The following AFAP1 variants were observed in gnomAD, a reference collection of about 807,000 sequenced individuals.
AFAP1 encodes the protein actin filament associated protein 1, also known as actin filament-associated protein 1.
Under a neutral mutation model 93.9 loss-of-function variants are expected in AFAP1, and 75 were observed. The observed-to-expected ratio is 0.80, with a 90% CI of 0.66 to 0.97. The LOEUF is 0.97. AFAP1 is among the 50% of genes least tolerant of loss of function. AFAP1 has a pLI of 0.00. For synonymous variants in AFAP1, 517 were observed against 430.7 expected (o/e 1.20, Z -2.48); for missense variants, 1,201 against 1,050.8 (o/e 1.14, Z -1.98).
chr4:7,849,520 G>A (rs1714191644), intron 4 of AFAP1, among the ~76,000 whole-genome samples: 1 of 152,178 alleles, frequency 6.6e-6, no homozygotes, highest in African/African-American at 2.4e-5. Flanking sequence ...CTCGGGTGAG[G>A]GGGAAAGAGA....
At chr4:7,932,029 T>A (rs1012987973) in intron 1 of AFAP1, among the ~76,000 whole-genome samples, 8 of 152,098 alleles carry the variant, frequency 5.3e-5, no homozygotes, top group African/African-American at 1.7e-4. Flanking sequence ...CCCGGCTAAT[T>A]TTTTGTATTT....
intron 5 of AFAP1, among the ~76,000 whole-genome samples, chr4:7,841,952 C>A (rs1480237339): frequency 6.6e-6 from 1 of 152,146 alleles, no homozygotes; most frequent in Non-Finnish European, 1.5e-5. Flanking sequence ...AACTGCTAAT[C>A]CCTACACACA....
At chr4:7,847,794 G>GGGGC (rs1553845906) in intron 4 of AFAP1, among the ~76,000 whole-genome samples, 1 of 94,842 alleles carries the variant, frequency 1.1e-5, no homozygotes, top group African/African-American at 5.3e-5. Flanking sequence ...AGGGGTACTC[G>GGGGC]GGGTGGGGCA....
chr4:7,854,511 A>G (rs1714821101), intron 4 of AFAP1, among the ~76,000 whole-genome samples: 1 of 152,208 alleles, frequency 6.6e-6, no homozygotes, highest in Non-Finnish European at 1.5e-5. Context: ...GCTTTGGTGG[A>G]ATAGCCGCGC....
At chr4:7,850,693 C>T (rs1304828374) in intron 4 of AFAP1, among the ~76,000 whole-genome samples, 1 of 152,216 alleles carries the variant, frequency 6.6e-6, no homozygotes, top group Non-Finnish European at 1.5e-5. Context: ...TGTTGCGCAC[C>T]CTGCTGGTGT....
intron 1 of AFAP1, among the ~76,000 whole-genome samples, chr4:7,892,213 C>T (rs1056625891): frequency 1.3e-5 from 2 of 152,196 alleles, no homozygotes; most frequent in African/African-American, 2.4e-5. Context: ...ACAAAAGAGG[C>T]TCCGGCACCA....
chr4:7,783,375 A>C (rs965618966), intron 12 of AFAP1, among the ~76,000 whole-genome samples: 1 of 152,146 alleles, frequency 6.6e-6, no homozygotes, highest in African/African-American at 2.4e-5. Flanking sequence ...CCTGGCCTTA[A>C]GTGATCTGCC....
At chr4:7,796,785 C>A (rs1718468886) in intron 10 of AFAP1, among the ~76,000 whole-genome samples, 1 of 146,674 alleles carries the variant, frequency 6.8e-6, no homozygotes, top group Non-Finnish European at 1.5e-5. Flanking sequence ...ATGGGTTGGG[C>A]ACGGTGGCTC....
chr4:7,848,942 C>A (rs978304426), intron 4 of AFAP1, among the ~76,000 whole-genome samples: 1 of 152,236 alleles, frequency 6.6e-6, no homozygotes, highest in Non-Finnish European at 1.5e-5. Context: ...CAATACCACA[C>A]ACACTGCACA....
chr4:7,911,196 C>G (rs1361163939), intron 1 of AFAP1, among the ~76,000 whole-genome samples: 1 of 152,182 alleles, frequency 6.6e-6, no homozygotes, highest in Non-Finnish European at 1.5e-5. Context: ...GGCTGACTAG[C>G]GAGCCAGGAC....
intron 1 of AFAP1, among the ~76,000 whole-genome samples, chr4:7,877,635 A>G (rs574160094): frequency 6.6e-6 from 1 of 152,224 alleles, no homozygotes; most frequent in Non-Finnish European, 1.5e-5. Context: ...TAGAACATAA[A>G]TAACACAGTA....
intron 1 of AFAP1, among the ~76,000 whole-genome samples, chr4:7,893,028 T>C (rs780515054): frequency 9.2e-5 from 14 of 152,054 alleles, no homozygotes; most frequent in Non-Finnish European, 1.5e-4. Context: ...TCTCATAACA[T>C]ATATGAGAAA....
chr4:7,846,825 T>C (rs1713760636), intron 4 of AFAP1, among the ~76,000 whole-genome samples: 1 of 152,210 alleles, frequency 6.6e-6, no homozygotes, highest in Admixed American at 6.5e-5. Flanking sequence ...AAGACATTAG[T>C]CTTATTCAGA....
At chr4:7,788,086 G>A (rs1283035514) in intron 11 of AFAP1, among the ~76,000 whole-genome samples, 1 of 152,222 alleles carries the variant, frequency 6.6e-6, no homozygotes, top group Non-Finnish European at 1.5e-5. Context: ...GGAGCGCAGG[G>A]ACCATGCGGG....
intron 10 of AFAP1, 107 bp from the exon 11 acceptor site, chr4:7,793,933 T>C (rs1322932108): frequency 3.2e-6 from 4 of 1,263,738 alleles, no homozygotes; most frequent in South Asian, 2.2e-5. Context: ...TGAAACATGA[T>C]GTCCCTAAGA....
chr4:7,825,343 T>C (rs1391651233), intron 6 of AFAP1, among the ~76,000 whole-genome samples: 1 of 152,194 alleles, frequency 6.6e-6, no homozygotes, highest in Non-Finnish European at 1.5e-5. Flanking sequence ...GTTCTTTAGT[T>C]TTTAAAAAAA....
intron 3 of AFAP1, among the ~76,000 whole-genome samples, chr4:7,856,524 G>A (rs1715097147): frequency 6.6e-6 from 1 of 152,196 alleles, no homozygotes; most frequent in Admixed American, 6.5e-5. Context: ...ACAGGTGTCA[G>A]CCACCGCACC....
At chr4:7,929,773 G>A (rs149269670) in intron 1 of AFAP1, among the ~76,000 whole-genome samples, 16 of 152,336 alleles carry the variant, frequency 1.1e-4, no homozygotes, top group Admixed American at 1.0e-3. Context: ...ATGAGGGAGG[G>A]AGTGGATGAG....
intron 1 of AFAP1, among the ~76,000 whole-genome samples, chr4:7,926,226 G>A (rs1386110977): frequency 1.3e-5 from 2 of 152,198 alleles, no homozygotes; most frequent in East Asian, 1.9e-4. Context: ...CCATAATTAA[G>A]AGGAGATTCT....
Sources: allele counts gnomAD v4.1 joint callset (sites outside exome capture counted in the v4.1 genomes callset), GRCh38; gene constraint gnomAD v4.1.1; transcripts MANE v1.5; gene names NCBI Gene and HGNC (gene_info 2026-07-23, HGNC 2026-07-21).